Variants in GLIS3 observed in about 807,000 individuals in gnomAD.
GLIS3 encodes zinc finger protein GLIS3.
GLIS3 carries 53 observed loss-of-function variants against 78.6 expected under a neutral mutation model. The observed-to-expected ratio is 0.67, with a 90% CI of 0.54 to 0.85. The LOEUF (loss-of-function observed/expected upper bound fraction) is 0.85, where lower values mean the gene tolerates loss of function less well. GLIS3 is among the 40% of genes least tolerant of loss of function. The pLI is 0.00. For missense variants in GLIS3, 1,703 were observed against 1,231.1 expected, an observed-to-expected ratio of 1.38 and a Z score of -5.74; for synonymous variants, 684 against 509.9, an observed-to-expected ratio of 1.34 and a Z score of -4.60.
chr9:3,862,478 T>TC (rs1820274124), intron 8 of GLIS3, among the ~76,000 whole-genome samples: 2 of 152,180 alleles, frequency 1.3e-5, no homozygotes, highest in South Asian at 4.1e-4. Flanking sequence ...TAGGGCTCTT[T>TC]CCCGTGTGTA....
intron 8 of GLIS3, chr9:3,875,612 G>C (rs893042558): frequency 2.6e-5 from 4 of 152,184 alleles, no homozygotes; most frequent in African/African-American, 9.7e-5. Context: ...CAAACCAAAA[G>C]CGGAAGGTAA....
the GLIS3 span, among the ~76,000 whole-genome samples, chr9:4,454,795 G>A: frequency 6.6e-6 from 1 of 152,148 alleles, no homozygotes. Context: ...ATTCAAGAAA[G>A]AACATATAGT....
chr9:3,918,578 T>C (rs1369734893), intron 6 of GLIS3, among the ~76,000 whole-genome samples: 1 of 152,162 alleles, frequency 6.6e-6, no homozygotes, highest in Non-Finnish European at 1.5e-5. Flanking sequence ...ACTATTACTA[T>C]AAATAATACA....
At chr9:3,941,728 G>A (rs952117388) in intron 4 of GLIS3, among the ~76,000 whole-genome samples, 3 of 152,230 alleles carry the variant, frequency 2.0e-5, no homozygotes, top group Non-Finnish European at 4.4e-5. Flanking sequence ...TGCACTGCAT[G>A]AAGCCTCACT....
chr9:3,899,168 T>A (rs1399254247), intron 6 of GLIS3, among the ~76,000 whole-genome samples: 1 of 152,144 alleles, frequency 6.6e-6, no homozygotes, highest in Non-Finnish European at 1.5e-5. Flanking sequence ...AACAACAAAC[T>A]CAAGTAGATT....
intron 2 of GLIS3, among the ~76,000 whole-genome samples, chr9:4,317,187 T>TTA (rs374569347): frequency 6.6e-6 from 1 of 152,252 alleles, no homozygotes; most frequent in African/African-American, 2.4e-5. Context: ...TTGCATACTT[T>TTA]AAGTACCGGT....
In GLIS3 at chr9:4,087,376, T is replaced by C. The variant is rs574398897; in HGVS notation, c.1710+30392A>G. ...AAAGCTGTACAGAGCTACTACTGAG[T>C]GAAGATGAAAAAAGTTTTGAGATGA... On this transcript the variant is annotated intron_variant, in intron 4 of 10. Transcript: ENST00000381971. Among the ~76,000 whole-genome samples the C allele has an allele frequency of 7.9e-5, 12 of 152,050 alleles. 1 individual carries two copies. In the South Asian group the frequency reaches 2.3e-3, roughly 29 times the overall value.
intron 2 of GLIS3, among the ~76,000 whole-genome samples, chr9:4,248,452 G>T (rs906186196): frequency 6.6e-6 from 1 of 152,158 alleles, no homozygotes; most frequent in African/African-American, 2.4e-5. Context: ...GTATTCCATG[G>T]TGTATATGTG....
At chr9:3,937,340 A>T (rs766430298) in intron 4 of GLIS3, 151 bp from the exon 5 acceptor site, 1 of 761,380 alleles carries the variant, frequency 1.3e-6, no homozygotes, top group Non-Finnish European at 2.1e-6. Context: ...TGCTCCTAAA[A>T]ATATCCGAAT....
chr9:3,886,996 C>T (rs10974042), intron 7 of GLIS3, among the ~76,000 whole-genome samples: 37,223 of 152,106 alleles, frequency 0.24, 4,717 homozygotes, highest in African/African-American at 0.32. Context: ...CATTCCACAT[C>T]CTACCTGTAT....
chr9:4,356,533 A>T, the GLIS3 span, among the ~76,000 whole-genome samples: 1 of 152,346 alleles, frequency 6.6e-6, no homozygotes, highest in East Asian at 1.9e-4. Flanking sequence ...GAGGAAATTG[A>T]AGGCTTTGCC....
intron 4 of GLIS3, among the ~76,000 whole-genome samples, chr9:4,045,906 A>T (rs148213081): frequency 3.6e-4 from 55 of 152,284 alleles, no homozygotes; most frequent in African/African-American, 1.3e-3. Context: ...CTGAAGAAGA[A>T]AGATTCTAAA....
the GLIS3 span, among the ~76,000 whole-genome samples, chr9:4,463,312 G>A: frequency 6.6e-6 from 1 of 152,170 alleles, no homozygotes; most frequent in Non-Finnish European, 1.5e-5. Context: ...TAAGCTGATA[G>A]AGTAAGAAAA....
At chr9:3,966,028 T>A (rs547834202) in intron 4 of GLIS3, among the ~76,000 whole-genome samples, 1 of 152,366 alleles carries the variant, frequency 6.6e-6, no homozygotes, top group South Asian at 2.1e-4. Context: ...TAATGAATGA[T>A]AATTTTCATT....
the GLIS3 span, among the ~76,000 whole-genome samples, chr9:4,402,969 A>G: frequency 1.3e-5 from 2 of 152,210 alleles, no homozygotes; most frequent in East Asian, 3.8e-4. Flanking sequence ...TGAGAAGGTT[A>G]ATAGAACACC....
intron 2 of GLIS3, among the ~76,000 whole-genome samples, chr9:4,153,280 T>C (rs1586822480): frequency 6.6e-6 from 1 of 152,304 alleles, no homozygotes; most frequent in East Asian, 1.9e-4. Context: ...ATAAAAATTG[T>C]GGGCTGTGCA....
intron 4 of GLIS3, chr9:4,054,473 C>T (rs1825975074): frequency 1.0e-6 from 1 of 985,422 alleles, no homozygotes; most frequent in Non-Finnish European, 1.2e-6. Context: ...GTGAATTCTT[C>T]AGTCAGGGCC....
intron 2 of GLIS3, among the ~76,000 whole-genome samples, chr9:4,192,808 T>TA (rs60636471): frequency 0.27 from 38,814 of 142,258 alleles, 6,070 homozygotes; most frequent in South Asian, 0.48. Context: ...ATACAATATT[T>TA]AAAAAAAAAA....
intron 2 of GLIS3, among the ~76,000 whole-genome samples, chr9:4,184,847 T>C (rs1309769668): frequency 2.6e-5 from 4 of 151,726 alleles, no homozygotes; most frequent in East Asian, 3.9e-4. Flanking sequence ...CTGTCAACAT[T>C]ACGTAGCAAA....
Sources: gnomAD v4.1 joint callset for allele counts (sites outside exome capture counted in the v4.1 genomes callset) on GRCh38, gnomAD v4.1.1 for gene constraint, MANE v1.5 for transcripts, NCBI Gene and HGNC (gene_info 2026-07-23, HGNC 2026-07-21) for gene names.